Variants in DNMT3A observed in about 807,000 individuals in gnomAD.
DNMT3A encodes the protein DNA (cytosine-5)-methyltransferase 3A.
DNMT3A carries 267 observed loss-of-function variants against 117.6 expected under a neutral mutation model. The observed-to-expected ratio is 2.27, with a 90% CI of 2.05 to 2.51. DNMT3A has a LOEUF of 2.51. DNMT3A is among the 30% of genes most tolerant of loss of function. DNMT3A has a pLI of 0.00. For missense variants in DNMT3A, 1,029 were observed against 1,260.2 expected (o/e 0.82, Z 2.78); for synonymous variants, 432 against 474.8 (o/e 0.91, Z 1.17).
At chr2:25,341,101 G>A (rs1420267978) in intron 1 of DNMT3A, among the ~76,000 whole-genome samples, 5 of 144,572 alleles carry the variant, frequency 3.5e-5, no homozygotes, top group African/African-American at 1.0e-4. Flanking sequence ...ACAGGTGGCC[G>A]GAGGAGGATC....
In DNMT3A at chr2:25,245,336, G is replaced by A; in HGVS notation, c.1475-4C>T. The A allele has an allele frequency of 6.2e-7, 1 of 1,613,666 alleles. No individual in the cohort carries two copies. Among genetic ancestry groups the A allele is most frequent in the Non-Finnish European group, 8.5e-7 (1 of 1,179,856 alleles). ...CTCCCACAGGAGATGCAGATGTCTG[G>A]AAAGCAGAGGGAGGGGATGGGGTGA... On this transcript the variant is annotated splice_polypyrimidine_tract_variant and splice_region_variant and intron_variant, in intron 12 of 22. Coordinates refer to ENST00000321117, the MANE Select transcript of DNMT3A (RefSeq NM_022552.5).
chr2:25,262,580 T>G (rs1676709748), intron 6 of DNMT3A, among the ~76,000 whole-genome samples: 1 of 152,190 alleles, frequency 6.6e-6, no homozygotes, highest in South Asian at 2.1e-4. Context: ...CCTTCAAGTT[T>G]GCCTCTCATT....
rs1335962227 is a variant in DNMT3A, at chr2:25,243,914, A to G, written c.1920T>C (p.Phe640=). 1 of 1,552,030 alleles carries G rather than the reference A, an allele frequency of 6.4e-7. No individual in the cohort carries two copies. The highest frequency in any genetic ancestry group is 2.0e-5 in the Admixed American group (1 of 51,012). The part of the protein sequence containing the change: ...KRKPIRVLSL[F]DGIATGLLVL... ...ACCCCTCACCTGTAGCGATTCCATC[A>G]AAGAGAGACAGCACCCGGATGGGCT... Residue 640 remains phenylalanine (F), a synonymous_variant, in exon 16 of 23, where the codon TTT becomes TTC. Coordinates refer to ENST00000321117, the MANE Select transcript of DNMT3A (RefSeq NM_022552.5).
chr2:25,272,163 T>C (rs1196254100), intron 6 of DNMT3A, among the ~76,000 whole-genome samples: 1 of 152,202 alleles, frequency 6.6e-6, no homozygotes, highest in African/African-American at 2.4e-5. Context: ...ATTTTTGTAT[T>C]TGTAGTACAG....
At chr2:25,325,008 C>A (rs569892658) in intron 1 of DNMT3A, among the ~76,000 whole-genome samples, 1 of 152,094 alleles carries the variant, frequency 6.6e-6, no homozygotes, top group Non-Finnish European at 1.5e-5. Flanking sequence ...CTGGCACCAC[C>A]AGCACTGGCA....
chr2:25,329,673 C>CCACACACA (rs55905204), intron 1 of DNMT3A, among the ~76,000 whole-genome samples: 3 of 138,490 alleles, frequency 2.2e-5, no homozygotes, highest in South Asian at 4.5e-4. Flanking sequence ...CATGCAGACC[C>CCACACACA]CACACACACA....
rs552344200 is a variant in DNMT3A, at chr2:25,311,741, C to T, written c.72+2172G>A. Among the ~76,000 whole-genome samples, 7 of 152,284 alleles carry T rather than the reference C, an allele frequency of 4.6e-5. No individual in the cohort carries two copies. Among genetic ancestry groups the T allele is most frequent in the Admixed American group, 2.6e-4 (4 of 15,306 alleles). Reference sequence around the variant, plus strand: ...CCATGACCTTATCTGACTTCCACAACCACCCTTTAAAACAGGCAAGGCTGG... The same window carrying T: ...CCATGACCTTATCTGACTTCCACAATCACCCTTTAAAACAGGCAAGGCTGG... On this transcript the variant is annotated intron_variant, in intron 2 of 22. Coordinates refer to ENST00000321117, the MANE Select transcript of DNMT3A (RefSeq NM_022552.5). The surrounding 1 kb of genome is among the most constrained non-coding windows in gnomAD (Gnocchi z 5.2).
chr2:25,249,658 G>A (rs1456564882), intron 6 of DNMT3A: 6 of 1,614,134 alleles, frequency 3.7e-6, no homozygotes, highest in Middle Eastern at 1.6e-4. Flanking sequence ...TCCTTTCACC[G>A]TATCACACTC....
intron 3 of DNMT3A, among the ~76,000 whole-genome samples, chr2:25,291,011 G>A (rs960987579): frequency 6.6e-6 from 1 of 152,120 alleles, no homozygotes; most frequent in Non-Finnish European, 1.5e-5. Context: ...GGCCAGCCAC[G>A]GACTCTTCAC....
At position 25,314,010 on chromosome 2, in the gene DNMT3A, C is replaced by G; in HGVS notation, c.-26G>C. Reference sequence around the variant, plus strand: ...CTGGGCGCCGGGAGGCAGGCTGGGGCTGCGCGGGGCTGGGGGGCTGCTGGG... The same window carrying G: ...CTGGGCGCCGGGAGGCAGGCTGGGGGTGCGCGGGGCTGGGGGGCTGCTGGG... On this transcript the variant is annotated 5_prime_UTR_variant, in exon 2 of 23. Transcript: ENST00000321117. The G allele has an allele frequency of 6.6e-7, 1 of 1,523,088 alleles. No individual in the cohort carries two copies. The allele number at this position is 1,523,088 out of a possible 1,614,324, so 94.3% of individuals were successfully genotyped here. A position where few individuals can be genotyped will look rare whatever the true frequency, so the allele number is the denominator to read the frequency against.
chr2:25,325,020 C>T (rs552347878), intron 1 of DNMT3A, among the ~76,000 whole-genome samples: 1 of 151,532 alleles, frequency 6.6e-6, no homozygotes, highest in South Asian at 2.1e-4. Context: ...GCACTGGCAC[C>T]ACCAGCAGGA....
In DNMT3A at chr2:25,257,306, T is replaced by C. The variant is rs1676239092; in HGVS notation, c.640-9054A>G. On this transcript the variant is annotated intron_variant, in intron 6 of 22. Transcript: ENST00000321117. This position sits in a 1 kb window ranked among gnomAD's most constrained non-coding sequence, Gnocchi z 4.8. ...GCTCGCACCTAGCGGTGTTCTGCCT[T>C]CTGGCAGCTCCTGGCTGATGCTCTA... 6.6e-6 allele frequency among the ~76,000 whole-genome samples: 1 copy of C among 152,160 alleles called. No individual in the cohort carries two copies. Among genetic ancestry groups the C allele is most frequent in the Admixed American group, 6.5e-5 (1 of 15,282 alleles).
intron 6 of DNMT3A, among the ~76,000 whole-genome samples, chr2:25,269,357 C>T (rs984683697): frequency 6.6e-6 from 1 of 152,148 alleles, no homozygotes; most frequent in African/African-American, 2.4e-5. Context: ...GTGAGGGTTA[C>T]AGGGATTCAG....
Position 25,281,463 on chromosome 2 carries a change from ATTTGT to A in DNMT3A, c.448+973_448+977del. On this transcript the variant is annotated intron_variant, in intron 4 of 22. Transcript: ENST00000321117. This position sits in a 1 kb window ranked among gnomAD's most constrained non-coding sequence, Gnocchi z 4.8. ...TAAAAGCTTCTTAATAAGTTTGGAA[ATTTGT>A]ATTCTGGAAATGTTCTCTATCCTGC... 2.9e-6 allele frequency: 3 copies of A among 1,048,008 alleles called. No individual in the cohort carries two copies. Among genetic ancestry groups the A allele is most frequent in the Non-Finnish European group, 3.5e-6 (3 of 868,340 alleles). 64.9% of individuals were successfully genotyped at this position (1,048,008 alleles called of 1,614,324 possible). A position where few individuals can be genotyped will look rare whatever the true frequency, so the allele number is the denominator to read the frequency against.
At chr2:25,287,157 C>T (rs1051244554) in intron 3 of DNMT3A, among the ~76,000 whole-genome samples, 2 of 151,966 alleles carry the variant, frequency 1.3e-5, no homozygotes, top group African/African-American at 2.4e-5. Flanking sequence ...TTGAAAGAGA[C>T]ACAGCACACC....
At chr2:25,303,412 G>T (rs568586690) in intron 2 of DNMT3A, among the ~76,000 whole-genome samples, 1 of 152,344 alleles carries the variant, frequency 6.6e-6, no homozygotes, top group East Asian at 1.9e-4. Flanking sequence ...TGCAGGGCCT[G>T]TAGGTGCTCG....
At chr2:25,308,481 G>A (rs6711622) in intron 2 of DNMT3A, among the ~76,000 whole-genome samples, 51,998 of 151,750 alleles carry the variant, frequency 0.34, 9,265 homozygotes, top group Non-Finnish European at 0.39. Context: ...AGAAACCGAA[G>A]CCCAAAATGT....
intron 1 of DNMT3A, among the ~76,000 whole-genome samples, chr2:25,329,811 C>T (rs2034946859): frequency 1.3e-5 from 2 of 152,248 alleles, no homozygotes; most frequent in South Asian, 4.1e-4. Context: ...CGCACACAGC[C>T]CCCCTCATGC....
chr2:25,336,820 G>A (rs2035234557), intron 1 of DNMT3A, among the ~76,000 whole-genome samples: 1 of 152,098 alleles, frequency 6.6e-6, no homozygotes, highest in South Asian at 2.1e-4. Context: ...CCACAATGAT[G>A]TCCTGCCCCT....
Sources: allele counts gnomAD v4.1 joint callset (sites outside exome capture counted in the v4.1 genomes callset), GRCh38; gene constraint gnomAD v4.1.1; non-coding constraint Gnocchi (gnomAD v3.1); transcripts MANE v1.5; gene names NCBI Gene and HGNC (gene_info 2026-07-23, HGNC 2026-07-21).